PTPRN2: variants seen among roughly 807,000 people sequenced by gnomAD.
PTPRN2 encodes receptor-type tyrosine-protein phosphatase N2.
A neutral mutation model predicts 118.8 loss-of-function variants in PTPRN2; 74 were observed. The observed-to-expected ratio is 0.62, with a 90% CI of 0.52 to 0.76. The LOEUF is 0.76. PTPRN2 is among the 30% of genes least tolerant of loss of function. PTPRN2 has a pLI of 0.00. For missense variants in PTPRN2, 1,481 were observed against 1,394.4 expected (o/e 1.06, Z -0.99); for synonymous variants, 641 against 608.0 (o/e 1.05, Z -0.80).
chr7:157,620,107 A>G (rs1023630893), intron 15 of PTPRN2, among the ~76,000 whole-genome samples: 1 of 152,172 alleles, frequency 6.6e-6, no homozygotes. Flanking sequence ...CCACACTGTC[A>G]TTTATCATTC....
intron 2 of PTPRN2, among the ~76,000 whole-genome samples, chr7:158,359,680 G>A (rs899854563): frequency 2.6e-5 from 4 of 152,200 alleles, no homozygotes; most frequent in Non-Finnish European, 4.4e-5. Context: ...CCCAGCCTCA[G>A]CACAGTAGCT....
chr7:157,904,768 G>A (rs556671333), intron 11 of PTPRN2, among the ~76,000 whole-genome samples: 82 of 152,282 alleles, frequency 5.4e-4, no homozygotes, highest in African/African-American at 1.9e-3. Flanking sequence ...AGAGAGAATC[G>A]AAACACAGAG....
intron 2 of PTPRN2, among the ~76,000 whole-genome samples, chr7:158,462,721 T>A (rs1057326623): frequency 2.0e-5 from 3 of 152,102 alleles, no homozygotes; most frequent in African/African-American, 7.2e-5. Context: ...TGATGACAGG[T>A]TCATTTTCAA....
intron 1 of PTPRN2, among the ~76,000 whole-genome samples, chr7:158,507,742 C>T (rs1040586878): frequency 2.0e-5 from 3 of 149,402 alleles, no homozygotes; most frequent in Non-Finnish European, 4.4e-5. Flanking sequence ...GGGACAGCCC[C>T]ATGCTAGGCA....
intron 2 of PTPRN2, among the ~76,000 whole-genome samples, chr7:158,480,003 T>G (rs995783260): frequency 2.0e-5 from 3 of 152,230 alleles, no homozygotes; most frequent in African/African-American, 7.2e-5. Flanking sequence ...GGATTCTAGA[T>G]TCCAAGAAGG....
intron 4 of PTPRN2, among the ~76,000 whole-genome samples, chr7:158,193,851 A>G (rs1471442845): frequency 1.3e-5 from 2 of 151,560 alleles, no homozygotes; most frequent in Non-Finnish European, 2.9e-5. Flanking sequence ...CAGGTTTAAG[A>G]ACACCTGCGT....
chr7:158,128,506 T>C (rs998613062), intron 9 of PTPRN2, among the ~76,000 whole-genome samples: 2 of 152,030 alleles, frequency 1.3e-5, no homozygotes, highest in African/African-American at 4.8e-5. Flanking sequence ...TAAACTCGAA[T>C]GCAAAGAAAA....
chr7:157,546,955 C>G (rs1211323608), intron 22 of PTPRN2, among the ~76,000 whole-genome samples: 2 of 152,168 alleles, frequency 1.3e-5, no homozygotes, highest in Non-Finnish European at 2.9e-5. Flanking sequence ...GCAAAGATAT[C>G]CCCTTGCGAT....
chr7:157,796,933 A>G (rs923954580), intron 12 of PTPRN2, among the ~76,000 whole-genome samples: 1 of 152,212 alleles, frequency 6.6e-6, no homozygotes, highest in Non-Finnish European at 1.5e-5. Context: ...ACGGTTCGAC[A>G]GGAGATTTTG....
At chr7:157,738,058 T>A (rs576723134) in intron 12 of PTPRN2, among the ~76,000 whole-genome samples, 1 of 152,342 alleles carries the variant, frequency 6.6e-6, no homozygotes, top group East Asian at 1.9e-4. Flanking sequence ...AGCTGTTATT[T>A]TGAAATTATA....
rs1302979848 is a variant in PTPRN2, at chr7:157,596,137, AG to A, written c.2419-823del. Among the ~76,000 whole-genome samples the A allele has an allele frequency of 6.6e-6, 1 of 152,228 alleles. No individual in the cohort carries two copies. Among genetic ancestry groups the A allele is most frequent in the African/African-American group, 2.4e-5 (1 of 41,466 alleles). On this transcript the variant is annotated intron_variant, in intron 16 of 22. Coordinates refer to ENST00000389418, the MANE Select transcript of PTPRN2 (RefSeq NM_002847.5). The surrounding 1 kb of genome is among the most constrained non-coding windows in gnomAD (Gnocchi z 4.2). ...TGGAGAGTGTGAACAGGGTTCCTCC[AG>A]GCCTCATGGACAAACTTGCCAGCGT...
At chr7:157,578,821 C>T (rs221305) in intron 17 of PTPRN2, among the ~76,000 whole-genome samples, 120,489 of 152,268 alleles carry the variant, frequency 0.79, 47,928 homozygotes, top group Middle Eastern at 0.85. Context: ...GCTGTAAACC[C>T]ACATCTTAAC....
intron 12 of PTPRN2, chr7:157,865,869 G>A (rs188004131): frequency 5.7e-4 from 87 of 152,364 alleles, no homozygotes; most frequent in African/African-American, 2.1e-3. Flanking sequence ...GGAGGGCAGG[G>A]TGGACGGTTA....
intron 21 of PTPRN2, among the ~76,000 whole-genome samples, chr7:157,552,150 T>G (rs1002292759): frequency 6.7e-6 from 1 of 148,256 alleles, no homozygotes; most frequent in Non-Finnish European, 1.5e-5. Flanking sequence ...ACAGCCACCG[T>G]GTACCCCACG....
At chr7:157,936,314 G>A (rs1049896319) in intron 11 of PTPRN2, among the ~76,000 whole-genome samples, 4 of 152,170 alleles carry the variant, frequency 2.6e-5, no homozygotes, top group Non-Finnish European at 5.9e-5. Context: ...AGATGCTATC[G>A]ATTATGGGCT....
At chr7:158,129,006 C>A (rs1007778032) in intron 9 of PTPRN2, among the ~76,000 whole-genome samples, 5 of 151,656 alleles carry the variant, frequency 3.3e-5, no homozygotes, top group South Asian at 2.1e-4. Context: ...CCACACCATG[C>A]AACACACTAT....
intron 14 of PTPRN2, among the ~76,000 whole-genome samples, chr7:157,635,268 C>T (rs570282722): frequency 6.0e-4 from 91 of 152,346 alleles, no homozygotes; most frequent in African/African-American, 2.0e-3. Context: ...GTTGGATGAA[C>T]TCAGGGTACA....
chr7:157,818,225 T>C (rs1806558927), intron 12 of PTPRN2, among the ~76,000 whole-genome samples: 1 of 151,952 alleles, frequency 6.6e-6, no homozygotes, highest in African/African-American at 2.4e-5. Context: ...TGCATGCATG[T>C]GTATGTGTGT....
At position 158,351,885 on chromosome 7, in the gene PTPRN2, T is replaced by TCCCCTCCTGTCCGCTCCCCTCCTGACC. The variant is rs1563190229; in HGVS notation, c.164-34954_164-34953insGGTCAGGAGGGGAGCGGACAGGAGGGG. 3.5e-4 allele frequency among the ~76,000 whole-genome samples: 11 copies of TCCCCTCCTGTCCGCTCCCCTCCTGACC among 31,678 alleles called. 2 individuals carry two copies. Among genetic ancestry groups the TCCCCTCCTGTCCGCTCCCCTCCTGACC allele is most frequent in the Admixed American group, 1.1e-3 (3 of 2,690 alleles). 20.8% of individuals were successfully genotyped at this position (31,678 alleles called of 152,430 possible). On this transcript the variant is annotated intron_variant, in intron 2 of 22. Coordinates refer to ENST00000389418, the MANE Select transcript of PTPRN2 (RefSeq NM_002847.5). Reference sequence around the variant, plus strand: ...CTCCCAGCCCAGCTCCCCTCCTGTCTGCTCGCCTCCTGTCCGCTCCCCTCC... The same window carrying TCCCCTCCTGTCCGCTCCCCTCCTGACC: ...CTCCCAGCCCAGCTCCCCTCCTGTCTCCCCTCCTGTCCGCTCCCCTCCTGACCGCTCGCCTCCTGTCCGCTCCCCTCC...
Sources: gnomAD v4.1 joint callset for allele counts (sites outside exome capture counted in the v4.1 genomes callset) on GRCh38, gnomAD v4.1.1 for gene constraint, Gnocchi (gnomAD v3.1) non-coding constraint, MANE v1.5 for transcripts, NCBI Gene and HGNC (gene_info 2026-07-23, HGNC 2026-07-21) for gene names.